CALN1: variants seen among roughly 807,000 people sequenced by gnomAD.
CALN1 encodes the protein calcium-binding protein 8.
In CALN1, 17 loss-of-function variants were observed where a neutral mutation model predicts 30.6. The ratio of observed to expected loss-of-function variants is 0.56; its 90% CI spans 0.38 to 0.83. CALN1 has a LOEUF of 0.83. Among genes scored for constraint, CALN1 ranks in the 40% least tolerant of loss-of-function variants. The pLI is 0.00. For synonymous variants in CALN1, 156 were observed against 131.4 expected (o/e 1.19, Z -1.28); for missense variants, 291 against 354.9 (o/e 0.82, Z 1.45).
chr7:72,232,051 TC>T (rs1432732338), intron 3 of CALN1, among the ~76,000 whole-genome samples: 1 of 151,872 alleles, frequency 6.6e-6, no homozygotes, highest in African/African-American at 2.4e-5. Flanking sequence ...AACTTGGAGA[TC>T]CCCTACAGGC....
rs1224461422 is a variant in CALN1, at chr7:71,996,769, TTAAAA to T, written c.501+26883_501+26887del. On this transcript the variant is annotated intron_variant, in intron 5 of 6. Coordinates refer to ENST00000395275, the MANE Select transcript of CALN1 (RefSeq NM_031468.4). ...CCTGCACTGTCCTGCACATGTATCC[TTAAAA>T]TAAAATAAAATTAAATTAAAAAAAG... 1.1e-4 allele frequency among the ~76,000 whole-genome samples: 17 copies of T among 152,196 alleles called. 1 individual carries two copies. The highest frequency in any genetic ancestry group is 1.0e-3 in the South Asian group (5 of 4,828).
At chr7:72,297,966 T>G (rs896100237) in intron 2 of CALN1, among the ~76,000 whole-genome samples, 4 of 152,222 alleles carry the variant, frequency 2.6e-5, no homozygotes, top group African/African-American at 9.6e-5. Context: ...GTTTCCAGAT[T>G]TTTGAACTTT....
chr7:72,036,407 T>C (rs73369812), intron 4 of CALN1, among the ~76,000 whole-genome samples: 5,133 of 152,308 alleles, frequency 0.034, 287 homozygotes, highest in African/African-American at 0.11. Flanking sequence ...TCAACCATTC[T>C]TTCTTCAAAT....
chr7:72,206,981 G>T (rs752496268), intron 3 of CALN1, among the ~76,000 whole-genome samples: 1 of 152,152 alleles, frequency 6.6e-6, no homozygotes, highest in Non-Finnish European at 1.5e-5. Context: ...ATCTGTCACT[G>T]AGCTCCTCTA....
At chr7:71,950,602 GT>G (rs1167533769) in intron 5 of CALN1, among the ~76,000 whole-genome samples, 3 of 152,074 alleles carry the variant, frequency 2.0e-5, no homozygotes, top group Admixed American at 2.0e-4. Flanking sequence ...GAGTAGTCAA[GT>G]CCTTCTTTTG....
chr7:72,078,828 T>A (rs1293632522), intron 4 of CALN1, among the ~76,000 whole-genome samples: 2 of 152,028 alleles, frequency 1.3e-5, no homozygotes, highest in East Asian at 1.9e-4. Context: ...CCCAGCTACT[T>A]GGGAGGCTGA....
chr7:71,806,081 G>GA (rs1787592897), intron 6 of CALN1, among the ~76,000 whole-genome samples: 1 of 152,162 alleles, frequency 6.6e-6, no homozygotes, highest in African/African-American at 2.4e-5. Context: ...AGAGCATCAG[G>GA]AAAAATAGCT....
intron 4 of CALN1, among the ~76,000 whole-genome samples, chr7:72,061,650 T>G (rs986816993): frequency 6.6e-6 from 1 of 151,886 alleles, no homozygotes; most frequent in African/African-American, 2.4e-5. Flanking sequence ...TCTTCTTCTA[T>G]GATTAATGTT....
chr7:71,830,556 C>T (rs1789211726), intron 5 of CALN1, among the ~76,000 whole-genome samples: 1 of 152,042 alleles, frequency 6.6e-6, no homozygotes, highest in Admixed American at 6.6e-5. Context: ...CTATGTTGTC[C>T]AGGCCGGTCT....
intron 3 of CALN1, among the ~76,000 whole-genome samples, chr7:72,266,216 T>C (rs568690202): frequency 2.6e-5 from 4 of 152,196 alleles, no homozygotes; most frequent in South Asian, 2.1e-4. Context: ...TCTTTCCTCA[T>C]TGAAAATCAC....
chr7:71,873,021 T>TTTTTTG (rs1792031967), intron 5 of CALN1, among the ~76,000 whole-genome samples: 1 of 149,756 alleles, frequency 6.7e-6, no homozygotes, highest in African/African-American at 2.5e-5. Flanking sequence ...TTTTTTTTTT[T>TTTTTTG]GAGATGGAGT....
At chr7:71,949,044 TAAAAA>T (rs34370568) in intron 5 of CALN1, among the ~76,000 whole-genome samples, 172 of 66,930 alleles carry the variant, frequency 2.6e-3, no homozygotes, top group African/African-American at 9.7e-3. Context: ...CTCTGTCTCT[TAAAAA>T]AAAAAAAAAA....
At chr7:71,840,485 T>TA (rs61579583) in intron 5 of CALN1, among the ~76,000 whole-genome samples, 1,027 of 101,292 alleles carry the variant, frequency 0.01, 15 homozygotes, top group African/African-American at 0.031. Flanking sequence ...ATGCTCTCTT[T>TA]AAAAAAAAAA....
At chr7:72,286,897 G>A (rs1300344030) in intron 2 of CALN1, among the ~76,000 whole-genome samples, 3 of 152,144 alleles carry the variant, frequency 2.0e-5, no homozygotes, top group Non-Finnish European at 2.9e-5. Context: ...CTATGACACA[G>A]GAATGCAAAT....
intron 2 of CALN1, among the ~76,000 whole-genome samples, chr7:72,319,983 G>T (rs1800759471): frequency 6.6e-6 from 1 of 152,070 alleles, no homozygotes; most frequent in African/African-American, 2.4e-5. Flanking sequence ...GTGAAACCCA[G>T]ACTCTACTAA....
intron 5 of CALN1, among the ~76,000 whole-genome samples, chr7:71,927,407 A>G (rs1795324961): frequency 6.6e-6 from 1 of 152,048 alleles, no homozygotes; most frequent in Non-Finnish European, 1.5e-5. Context: ...ATGGGGTTTC[A>G]CCATGTTGGC....
chr7:72,391,309 C>A (rs937773874), intron 2 of CALN1, among the ~76,000 whole-genome samples: 2 of 152,160 alleles, frequency 1.3e-5, no homozygotes, highest in African/African-American at 4.8e-5. Flanking sequence ...GATAAACACT[C>A]TTCAAACCTA....
In CALN1 at chr7:72,073,306, G is replaced by A. The variant is rs144621903; in HGVS notation, c.388+32845C>T. On this transcript the variant is annotated intron_variant, in intron 4 of 6. Transcript: ENST00000395275. Reference sequence around the variant, plus strand: ...GTTTCAATTTTCCAAGAAGAAAAACGTTATGAAGATGGACAGTAGTGATGC... The same window carrying A: ...GTTTCAATTTTCCAAGAAGAAAAACATTATGAAGATGGACAGTAGTGATGC... Among the ~76,000 whole-genome samples the A allele has an allele frequency of 6.2e-4, 94 of 152,266 alleles. 1 individual carries two copies. In the East Asian group the frequency reaches 0.016, roughly 26 times the overall value.
intron 5 of CALN1, among the ~76,000 whole-genome samples, chr7:71,860,686 A>G (rs1226047767): frequency 6.6e-6 from 1 of 152,182 alleles, no homozygotes; most frequent in Non-Finnish European, 1.5e-5. Context: ...TTACACAGCA[A>G]AGAAACACCA....
Sources: gnomAD v4.1 joint callset for allele counts (sites outside exome capture counted in the v4.1 genomes callset) on GRCh38, gnomAD v4.1.1 for gene constraint, MANE v1.5 for transcripts, NCBI Gene and HGNC (gene_info 2026-07-23, HGNC 2026-07-21) for gene names.